Variants in RFX1 observed in about 807,000 individuals in gnomAD.
RFX1 encodes MHC class II regulatory factor RFX1.
Under a neutral mutation model 119.6 loss-of-function variants are expected in RFX1, and 42 were observed. That is an observed-to-expected ratio of 0.35 (90% confidence interval 0.27 to 0.45). The LOEUF (loss-of-function observed/expected upper bound fraction) is 0.45, where lower values mean the gene tolerates loss of function less well. Ranked by LOEUF, RFX1 falls within the 20% of genes least tolerant of loss-of-function variation. The pLI is 1.00. For synonymous variants in RFX1, 628 were observed against 618.5 expected, an observed-to-expected ratio of 1.02 and a Z score of -0.23; for missense variants, 1,118 against 1,368.1, an observed-to-expected ratio of 0.82 and a Z score of 2.88.
chr19:13,962,745 C>T lies in RFX1; in HGVS notation c.2890G>A (p.Ala964Thr), dbSNP rs1266541116. The T allele has an allele frequency of 1.3e-6, 2 of 1,530,512 alleles. No individual in the cohort carries two copies. The highest frequency in any genetic ancestry group is 2.7e-5 in the African/African-American group (2 of 72,758). The allele number at this position is 1,530,512 out of a possible 1,614,324, so 94.8% of individuals were successfully genotyped here. ...PETLEPPAKL[A>T]RTDARGLFVQ... ...AAGAGGCCGCGCGCGTCAGTCCGCGCCAGCTTGGCCGGCGGCTCCAGGGTC... is the reference window on the plus strand; with the variant it reads ...AAGAGGCCGCGCGCGTCAGTCCGCGTCAGCTTGGCCGGCGGCTCCAGGGTC... The change falls in exon 21 of 21, where the codon GCG becomes ACG. Residue 964 changes from alanine (A) to threonine (T), a missense_variant. Around this residue, in one of 5 missense-constraint regions of RFX1, gnomAD observed 138 missense variants for 117.8 expected, o/e 1.17. Transcript: ENST00000254325.
intron 6 of RFX1, among the ~76,000 whole-genome samples, 190 bp from the exon 7 acceptor site, chr19:13,979,732 TGA>T (rs1316281828): frequency 1.3e-5 from 2 of 152,128 alleles, no homozygotes; most frequent in African/African-American, 4.8e-5. Flanking sequence ...GCAGCAGGGC[TGA>T]GTTGAACCTG....
intron 2 of RFX1, among the ~76,000 whole-genome samples, chr19:13,989,559 C>G (rs1017388023): frequency 6.6e-6 from 1 of 151,684 alleles, no homozygotes; most frequent in East Asian, 1.9e-4. Context: ...GAGAGACAGA[C>G]AGACAGACAG....
rs960550727 is a variant in RFX1 at position 13,962,593 on chromosome 19, G to T, written c.*102C>A. 3.0e-6 allele frequency: 3 copies of T among 1,003,636 alleles called. No individual in the cohort carries two copies. The highest frequency in any genetic ancestry group is 4.2e-6 in the Non-Finnish European group (3 of 717,048). 62.2% of individuals were successfully genotyped at this position (1,003,636 alleles called of 1,614,324 possible). On this transcript the variant is annotated 3_prime_UTR_variant, in exon 21 of 21. Transcript: ENST00000254325. ...TCCCTGTCTCGGAGTCCCCCTCCCT[G>T]CCCTGGCTGAGGCTGGAGCAGTGAC...
intron 1 of RFX1, among the ~76,000 whole-genome samples, 164 bp downstream of exon 1, chr19:14,005,939 C>A (rs1323220204): frequency 4.0e-5 from 6 of 150,198 alleles, no homozygotes; most frequent in East Asian, 2.0e-4. Context: ...CGGGTGGTGT[C>A]GTTCCAGCCG....
chr19:13,983,707 G>T, intron 2 of RFX1, 112 bp from the exon 3 acceptor site: 1 of 873,366 alleles, frequency 1.1e-6, no homozygotes, highest in Non-Finnish European at 1.8e-6. Context: ...AGCAAGGTCA[G>T]GCCCCTCCAA....
Position 13,966,275 on chromosome 19 carries a change from G to C in RFX1, c.1961+146C>G, listed in dbSNP as rs1973894149. 1 of 601,492 alleles carries C rather than the reference G, an allele frequency of 1.7e-6. No homozygotes were observed. The highest frequency in any genetic ancestry group is 3.0e-6 in the Non-Finnish European group (1 of 336,776). 37.3% of individuals were successfully genotyped at this position (601,492 alleles called of 1,614,324 possible). On this transcript the variant is annotated intron_variant, in intron 14 of 20. Transcript: ENST00000254325. The surrounding 1 kb of genome is among the most constrained non-coding windows in gnomAD (Gnocchi z 6.3). ...ACCCCCGACTGTTGAGTGTCGGGTG[G>C]CTATACACACTCCACACAGCCAAGG... is the stretch of plus-strand genomic sequence containing the variant.
Position 13,963,239 on chromosome 19 carries a change from G to C in RFX1, c.2607C>G (p.Ala869=), listed in dbSNP as rs369465188. ...MVIRDLTLRS[A]ASFGSFHLIR... is the part of the protein sequence containing the mutation. ...TGAGGTGGAAGGAACCGAAGCTGGC[G>C]GCGCTGCGCAGGGTCAGGTCCCGGA... The change falls in exon 19 of 21, where the codon GCC becomes GCG. Residue 869 remains alanine, a synonymous_variant. Coordinates refer to ENST00000254325, the MANE Select transcript of RFX1 (RefSeq NM_002918.5). 6.2e-7 allele frequency: 1 copy of C among 1,612,180 alleles called. No individual in the cohort carries two copies. The highest frequency in any genetic ancestry group is 2.2e-5 in the East Asian group (1 of 44,826).
At chr19:13,992,047 C>A (rs956472275) in intron 2 of RFX1, among the ~76,000 whole-genome samples, 1 of 152,124 alleles carries the variant, frequency 6.6e-6, no homozygotes, top group African/African-American at 2.4e-5. Flanking sequence ...CCTCAGGATG[C>A]CCTGATGATC....
At chr19:13,977,924 G>T in intron 8 of RFX1, 68 bp downstream of exon 8, 1 of 1,247,376 alleles carries the variant, frequency 8.0e-7, no homozygotes, top group Non-Finnish European at 1.1e-6. Context: ...GGGGACTGGT[G>T]TCCTGGGAGA....
intron 1 of RFX1, among the ~76,000 whole-genome samples, chr19:14,005,039 A>G (rs560858555): frequency 6.6e-5 from 10 of 152,226 alleles, no homozygotes; most frequent in African/African-American, 2.4e-4. Flanking sequence ...TGGCCAAGAG[A>G]AGCGGGTTTA....
chr19:13,992,708 C>T (rs1974845911), intron 2 of RFX1, among the ~76,000 whole-genome samples: 1 of 152,188 alleles, frequency 6.6e-6, no homozygotes, highest in African/African-American at 2.4e-5. Context: ...ATGAGGAAAC[C>T]AGAGCAGGGA....
intron 12 of RFX1, among the ~76,000 whole-genome samples, chr19:13,967,791 C>T (rs1392292561): frequency 1.3e-5 from 2 of 151,178 alleles, no homozygotes; most frequent in African/African-American, 2.4e-5. Flanking sequence ...CTTTTAGAAA[C>T]ACTGGGTACA....
intron 4 of RFX1, 42 bp downstream of exon 4, chr19:13,983,145 G>A (rs766096748): frequency 1.4e-6 from 2 of 1,468,796 alleles, no homozygotes; most frequent in South Asian, 1.2e-5. Flanking sequence ...CCTCCACCCT[G>A]AGGGAGCCTT....
At chr19:13,979,915 G>A (rs982474900) in intron 6 of RFX1, among the ~76,000 whole-genome samples, 5 of 152,136 alleles carry the variant, frequency 3.3e-5, no homozygotes, top group East Asian at 1.9e-4. Context: ...TCCTAGGGGC[G>A]CAGAGCCAGG....
At chr19:13,984,708 A>C (rs2145597202) in intron 2 of RFX1, among the ~76,000 whole-genome samples, 1 of 152,228 alleles carries the variant, frequency 6.6e-6, no homozygotes, top group African/African-American at 2.4e-5. Flanking sequence ...TCAAGGAGCC[A>C]AGGTCCCAGG....
chr19:13,977,973 C>T lies in RFX1; in HGVS notation c.929+19G>A. ...AGTGCAGACCTGACTCCCTCACCCACCCCTCTCCCTTCACTTACATGGCAC... is the reference window on the plus strand; with the variant it reads ...AGTGCAGACCTGACTCCCTCACCCATCCCTCTCCCTTCACTTACATGGCAC... On this transcript the variant is annotated intron_variant, in intron 8 of 20. Transcript: ENST00000254325. The T allele has an allele frequency of 6.3e-7, 1 of 1,589,764 alleles. No individual in the cohort carries two copies. Among genetic ancestry groups the T allele is most frequent in the Non-Finnish European group, 8.6e-7 (1 of 1,160,580 alleles).
chr19:13,988,741 C>T (rs1974698485), intron 2 of RFX1, among the ~76,000 whole-genome samples: 2 of 152,176 alleles, frequency 1.3e-5, no homozygotes, highest in Non-Finnish European at 1.5e-5. Context: ...AGAAGACCAG[C>T]GGGGCGCAGT....
chr19:13,990,532 A>C lies in RFX1; in HGVS notation c.319+2993T>G, dbSNP rs571986303. ...TCTGTCTCTACAAAAAAATTAAAAG[A>C]TTAGGCCGGGCGCGGTGGCTCACGC... is the stretch of plus-strand genomic sequence containing the variant. On this transcript the variant is annotated intron_variant, in intron 2 of 20. Transcript: ENST00000254325. The surrounding 1 kb of genome is among the most constrained non-coding windows in gnomAD (Gnocchi z 4.1). Among the ~76,000 whole-genome samples the C allele has an allele frequency of 8.5e-4, 129 of 151,048 alleles. No individual in the cohort carries two copies. In the Middle Eastern group the frequency reaches 0.01, roughly 12 times the overall value.
In RFX1 at chr19:13,986,252, G is replaced by A. The variant is rs1373131407; in HGVS notation, c.320-2657C>T. 6.6e-6 allele frequency among the ~76,000 whole-genome samples: 1 copy of A among 152,058 alleles called. No homozygotes were observed. The highest frequency in any genetic ancestry group is 2.4e-5 in the African/African-American group (1 of 41,424). On this transcript the variant is annotated intron_variant, in intron 2 of 20. Coordinates refer to ENST00000254325, the MANE Select transcript of RFX1 (RefSeq NM_002918.5). The surrounding 1 kb of genome is among the most constrained non-coding windows in gnomAD (Gnocchi z 4.2). Reference sequence around the variant, plus strand: ...GGGGGCTGGCCCCCCACCCTCTCCAGGGCTCAGGGGCTGGTCGCTGAGCAG... The same window carrying A: ...GGGGGCTGGCCCCCCACCCTCTCCAAGGCTCAGGGGCTGGTCGCTGAGCAG...
Sources: allele counts gnomAD v4.1 joint callset (sites outside exome capture counted in the v4.1 genomes callset), GRCh38; gene constraint gnomAD v4.1.1; regional missense constraint gnomAD v4.1.1; non-coding constraint Gnocchi (gnomAD v3.1); transcripts MANE v1.5; gene names NCBI Gene and HGNC (gene_info 2026-07-23, HGNC 2026-07-21).